Variants in RAD50 observed in about 807,000 individuals in gnomAD.
RAD50 encodes the protein DNA repair protein RAD50.
RAD50 carries 132 observed loss-of-function variants against 168.8 expected under a neutral mutation model. That is an observed-to-expected ratio of 0.78 (90% CI 0.68 to 0.90). RAD50 has a LOEUF of 0.90. RAD50 is among the 40% of genes least tolerant of loss of function. The pLI, the probability that RAD50 is intolerant of heterozygous loss-of-function variation, is 0.00. For missense variants in RAD50, 1,347 were observed against 1,534.4 expected, an observed-to-expected ratio of 0.88 and a Z score of 2.04; for synonymous variants, 525 against 497.4, an observed-to-expected ratio of 1.06 and a Z score of -0.74.
chr5:132,609,943 G>A (rs1468744527), intron 19 of RAD50, among the ~76,000 whole-genome samples: 1 of 151,734 alleles, frequency 6.6e-6, no homozygotes, highest in African/African-American at 2.4e-5. Flanking sequence ...ACTTCTACAT[G>A]TCATTAACTG....
In RAD50 at chr5:132,633,098, CTTTTTTTTTTT is replaced by C. The variant is rs34616055; in HGVS notation, c.3390-4007_3390-3997del. ...GTCCATCAATTTTCTTTCGTTTTTT[CTTTTTTTTTTT>C]TTTTTTTTTGAGACAGAGTCTAGCT... On this transcript the variant is annotated intron_variant, in intron 21 of 24. Coordinates refer to ENST00000378823, the MANE Select transcript of RAD50 (RefSeq NM_005732.4). Among the ~76,000 whole-genome samples, 5 of 113,012 alleles carry C rather than the reference CTTTTTTTTTTT, an allele frequency of 4.4e-5. No individual in the cohort carries two copies. In the South Asian group the frequency reaches 1.2e-3, roughly 27 times the overall value. The allele number at this position is 113,012 out of a possible 152,430, so 74.1% of individuals were successfully genotyped here.
intron 21 of RAD50, among the ~76,000 whole-genome samples, chr5:132,635,453 G>A (rs2149861892): frequency 6.6e-6 from 1 of 152,266 alleles, no homozygotes; most frequent in South Asian, 2.1e-4. Context: ...TTAATGGTCC[G>A]TCCCACAGTG....
intron 24 of RAD50, chr5:132,641,927 G>A (rs1751730675): frequency 7.9e-6 from 4 of 506,652 alleles, no homozygotes; most frequent in Admixed American, 6.9e-5. Context: ...ACTAGTTCTT[G>A]TATTCCTGTG....
At chr5:132,589,299 T>C (rs2149841322) in intron 8 of RAD50, among the ~76,000 whole-genome samples, 1 of 152,314 alleles carries the variant, frequency 6.6e-6, no homozygotes, top group East Asian at 1.9e-4. Flanking sequence ...TTTAGATATG[T>C]TTAGATACAT....
At chr5:132,570,688 A>C (rs1322074127) in intron 2 of RAD50, among the ~76,000 whole-genome samples, 1 of 152,184 alleles carries the variant, frequency 6.6e-6, no homozygotes, top group African/African-American at 2.4e-5. Context: ...GGCTGGTTTA[A>C]TCTATCCCAA....
At chr5:132,602,148 A>C (rs1750900715) in intron 13 of RAD50, among the ~76,000 whole-genome samples, 1 of 152,166 alleles carries the variant, frequency 6.6e-6, no homozygotes, top group African/African-American at 2.4e-5. Flanking sequence ...ATAATTAAAA[A>C]ATTTTAAAAA....
At chr5:132,592,055 A>AT (rs1750712136) in intron 11 of RAD50, 21 bp downstream of exon 11, 3 of 1,593,814 alleles carry the variant, frequency 1.9e-6, no homozygotes, top group Middle Eastern at 1.7e-4. Flanking sequence ...ACATTTGGAG[A>AT]TGTAATAGAA....
intron 3 of RAD50, among the ~76,000 whole-genome samples, chr5:132,577,182 A>G (rs749438957): frequency 3.9e-5 from 6 of 152,106 alleles, no homozygotes; most frequent in Non-Finnish European, 8.8e-5. Context: ...GGCCACCCAT[A>G]TTTTTTAGAT....
At chr5:132,571,365 G>C (rs577828096) in intron 2 of RAD50, among the ~76,000 whole-genome samples, 1 of 152,140 alleles carries the variant, frequency 6.6e-6, no homozygotes, top group Non-Finnish European at 1.5e-5. Flanking sequence ...ATTCATTCAG[G>C]TAAGAAACAG....
intron 2 of RAD50, among the ~76,000 whole-genome samples, chr5:132,574,615 A>G (rs2149835931): frequency 6.6e-6 from 1 of 152,220 alleles, no homozygotes; most frequent in South Asian, 2.1e-4. Flanking sequence ...TCCTCAGAAA[A>G]TGGGATTTTA....
intron 3 of RAD50, among the ~76,000 whole-genome samples, chr5:132,578,163 G>A (rs963736008): frequency 1.3e-5 from 2 of 152,064 alleles, no homozygotes; most frequent in African/African-American, 4.8e-5. Context: ...TAGGTTCAAC[G>A]TTTCCAAAAC....
intron 16 of RAD50, among the ~76,000 whole-genome samples, chr5:132,606,286 G>A (rs1030117137): frequency 1.1e-4 from 17 of 151,902 alleles, no homozygotes; most frequent in Admixed American, 6.6e-4. Flanking sequence ...AATGATAAAG[G>A]GGATATCACC....
In RAD50 at chr5:132,646,097, A is replaced by C. The variant is rs1460302278; in HGVS notation, c.*3733A>C. The C allele has an allele frequency of 7.1e-6, 1 of 140,920 alleles. No homozygotes were observed. Among genetic ancestry groups the C allele is most frequent in the African/African-American group, 3.0e-5 (1 of 32,900 alleles). 8.7% of individuals were successfully genotyped at this position (140,920 alleles called of 1,614,324 possible). ...TGAGACCCTGTCTAAAAAGACAAAA[A>C]AAAAAAAAAAAAAAAAGCAGCAGCA... is the stretch of plus-strand genomic sequence containing the variant. On this transcript the variant is annotated 3_prime_UTR_variant, in exon 25 of 25. Coordinates refer to ENST00000378823, the MANE Select transcript of RAD50 (RefSeq NM_005732.4).
chr5:132,633,902 A>AT (rs34056547), intron 21 of RAD50, among the ~76,000 whole-genome samples: 99 of 148,752 alleles, frequency 6.7e-4, no homozygotes, highest in East Asian at 4.9e-3. Flanking sequence ...ACGGGTAATA[A>AT]TTTTTTTTTT....
At chr5:132,619,841 TATATATATATAAAG>T (rs1477621206) in intron 21 of RAD50, among the ~76,000 whole-genome samples, 3,017 of 126,062 alleles carry the variant, frequency 0.024, 54 homozygotes, top group Middle Eastern at 0.057. Context: ...TCTCTCTATA[TATATATATATAAAG>T]ATATATATAT....
At chr5:132,601,233 G>A (rs1047295088) in intron 13 of RAD50, among the ~76,000 whole-genome samples, 2 of 152,054 alleles carry the variant, frequency 1.3e-5, no homozygotes, top group African/African-American at 4.8e-5. Context: ...CCTGACCTCA[G>A]GTGATTCACC....
chr5:132,609,470 T>A (rs1205864988), intron 19 of RAD50, 74 bp downstream of exon 19: 7 of 1,572,554 alleles, frequency 4.5e-6, no homozygotes, highest in South Asian at 1.1e-5. Context: ...CAATAGAAGA[T>A]CCATTGAATA....
rs923849735 is a variant in RAD50, at chr5:132,638,204, G to A, written c.3599G>A (p.Arg1200Gln). 1.2e-6 allele frequency: 2 copies of A among 1,614,200 alleles called. No homozygotes were observed. The highest frequency in any genetic ancestry group is 1.7e-6 in the Non-Finnish European group (2 of 1,180,034). ...GACACAGCCTTGGATATGCGAGGAC[G>A]ATGCAGTGCTGGACAAAAGGCAGGT... is the stretch of plus-strand genomic sequence containing the variant. ...KGDTALDMRG[R>Q]CSAGQKVLAS... Residue 1200 changes from arginine (R) to glutamine (Q), a missense_variant, in exon 23 of 25, where the codon CGA (arginine) becomes CAA (glutamine). Around this residue, in one of 3 missense-constraint regions of RAD50, gnomAD observed 635 missense variants for 739.2 expected, o/e 0.86. Coordinates refer to ENST00000378823, the MANE Select transcript of RAD50 (RefSeq NM_005732.4).
chr5:132,644,565 T>C lies in RAD50; in HGVS notation c.*2201T>C, dbSNP rs1467791619. 2 of 183,784 alleles carry C rather than the reference T, an allele frequency of 1.1e-5. No individual in the cohort carries two copies. The highest frequency in any genetic ancestry group is 1.8e-4 in the East Asian group (2 of 11,312). The allele number at this position is 183,784 out of a possible 1,614,324, so 11.4% of individuals were successfully genotyped here. A position where few individuals can be genotyped will look rare whatever the true frequency, so the allele number is the denominator to read the frequency against. ...ACATTATTTACAAACTGCTTAGAACTGCTTGCCACCTACTAAATACTGTGT... is the reference window on the plus strand; with the variant it reads ...ACATTATTTACAAACTGCTTAGAACCGCTTGCCACCTACTAAATACTGTGT... On this transcript the variant is annotated 3_prime_UTR_variant, in exon 25 of 25. Transcript: ENST00000378823.
Sources: allele counts gnomAD v4.1 joint callset (sites outside exome capture counted in the v4.1 genomes callset), GRCh38; gene constraint gnomAD v4.1.1; regional missense constraint gnomAD v4.1.1; transcripts MANE v1.5; gene names NCBI Gene and HGNC (gene_info 2026-07-23, HGNC 2026-07-21).